GUCY1A2: variants seen among roughly 807,000 people sequenced by gnomAD.
GUCY1A2 encodes guanylate cyclase 1 soluble subunit alpha 2.
A neutral mutation model predicts 63.5 loss-of-function variants in GUCY1A2; 27 were observed. The observed-to-expected ratio is 0.43, with a 90% CI of 0.31 to 0.59. GUCY1A2 has a LOEUF of 0.59. Ranked by LOEUF, GUCY1A2 falls within the 20% of genes least tolerant of loss-of-function variation. GUCY1A2 has a pLI of 0.11. For missense variants in GUCY1A2, 768 were observed against 913.3 expected, an observed-to-expected ratio of 0.84 and a Z score of 2.05; for synonymous variants, 364 against 343.5, an observed-to-expected ratio of 1.06 and a Z score of -0.66.
chr11:106,931,494 C>G (rs1211140155), intron 4 of GUCY1A2, among the ~76,000 whole-genome samples: 1 of 152,168 alleles, frequency 6.6e-6, no homozygotes, highest in East Asian at 1.9e-4. Context: ...AACTGCAAAT[C>G]AGTTCAAGAG....
chr11:106,999,449 T>A (rs1454735233), intron 1 of GUCY1A2, among the ~76,000 whole-genome samples: 1 of 152,180 alleles, frequency 6.6e-6, no homozygotes, highest in Non-Finnish European at 1.5e-5. Context: ...TAAACTTTGT[T>A]ATTTTAGGTT....
At chr11:106,955,331 T>C (rs1860968956) in intron 3 of GUCY1A2, among the ~76,000 whole-genome samples, 1 of 152,246 alleles carries the variant, frequency 6.6e-6, no homozygotes, top group African/African-American at 2.4e-5. Context: ...ATGTGTGAAT[T>C]TGATTCTGTC....
intron 4 of GUCY1A2, among the ~76,000 whole-genome samples, chr11:106,853,550 T>G (rs1859384946): frequency 6.6e-6 from 1 of 152,268 alleles, no homozygotes; most frequent in South Asian, 2.1e-4. Context: ...CCATAAATTA[T>G]TTTTCTTATT....
intron 4 of GUCY1A2, among the ~76,000 whole-genome samples, chr11:106,853,417 C>A (rs1157321965): frequency 6.6e-6 from 1 of 151,662 alleles, no homozygotes; most frequent in African/African-American, 2.4e-5. Flanking sequence ...TTAATTATTT[C>A]TTCTGCTTGA....
intron 4 of GUCY1A2, among the ~76,000 whole-genome samples, chr11:106,845,725 G>A (rs891496192): frequency 1.3e-5 from 2 of 151,524 alleles, no homozygotes; most frequent in African/African-American, 4.8e-5. Flanking sequence ...ATTAGGAGTA[G>A]AATTAGAAAA....
chr11:106,768,194 C>T (rs917132127), intron 6 of GUCY1A2, among the ~76,000 whole-genome samples: 6 of 152,146 alleles, frequency 3.9e-5, no homozygotes, highest in Non-Finnish European at 5.9e-5. Flanking sequence ...TGCTGTCCAG[C>T]ACAGGCTGGT....
At chr11:106,957,775 A>C (rs1861006754) in intron 3 of GUCY1A2, among the ~76,000 whole-genome samples, 1 of 149,976 alleles carries the variant, frequency 6.7e-6, no homozygotes, top group African/African-American at 2.5e-5. Flanking sequence ...TTAAATCACT[A>C]AATTGTGATT....
chr11:106,901,135 T>C (rs1341384493), intron 4 of GUCY1A2, among the ~76,000 whole-genome samples: 1 of 152,222 alleles, frequency 6.6e-6, no homozygotes, highest in East Asian at 1.9e-4. Context: ...TCCTAAATCC[T>C]TTGTTGTCAT....
At chr11:106,815,409 C>A (rs1196392927) in intron 4 of GUCY1A2, among the ~76,000 whole-genome samples, 5 of 151,250 alleles carry the variant, frequency 3.3e-5, no homozygotes, top group Admixed American at 3.3e-4. Context: ...AGACATAAAC[C>A]CACAAATTCA....
At chr11:106,721,562 C>A (rs1863317388) in intron 6 of GUCY1A2, among the ~76,000 whole-genome samples, 1 of 152,100 alleles carries the variant, frequency 6.6e-6, no homozygotes, top group Non-Finnish European at 1.5e-5. Context: ...AATGTTGTTA[C>A]CAACATTTAT....
intron 4 of GUCY1A2, among the ~76,000 whole-genome samples, chr11:106,934,061 A>T (rs543558254): frequency 6.6e-6 from 1 of 152,186 alleles, no homozygotes; most frequent in Non-Finnish European, 1.5e-5. Context: ...TACCCACGTA[A>T]CAAACCCATA....
chr11:106,779,656 GA>G (rs11455773), intron 5 of GUCY1A2, among the ~76,000 whole-genome samples: 3 of 151,526 alleles, frequency 2.0e-5, no homozygotes, highest in South Asian at 2.1e-4. Context: ...TATCTTTTCA[GA>G]AAAAAAAATG....
Position 106,939,835 on chromosome 11 carries a change from G to C in GUCY1A2, c.831C>G (p.Cys277Trp). 3 of 1,613,608 alleles carry C rather than the reference G, an allele frequency of 1.9e-6. No homozygotes were observed. The South Asian group carries it at 3.3e-5, about 18-fold the overall frequency. ...AATTGCCTGGGTTTGAAACATCAGA[G>C]CATAGCTTCTCATTTGCAACCTGTT... is the stretch of plus-strand genomic sequence containing the variant. ...EVEQVANEKLCSDVSNPGNCS... is the reference protein window; with the variant it reads ...EVEQVANEKLWSDVSNPGNCS... Residue 277 changes from cysteine to tryptophan, a missense_variant, in exon 4 of 8, where the codon TGC (cysteine) becomes TGG (tryptophan). Physicochemically the swap from Cys to Trp is radical, Grantham distance 215. Coordinates refer to ENST00000526355, the MANE Select transcript of GUCY1A2 (RefSeq NM_000855.3).
chr11:106,853,568 ATTGC>A (rs1859385190), intron 4 of GUCY1A2, among the ~76,000 whole-genome samples: 1 of 151,916 alleles, frequency 6.6e-6, no homozygotes, highest in Non-Finnish European at 1.5e-5. Flanking sequence ...ATTTCTTTAT[ATTGC>A]TTATCTGTGT....
chr11:106,866,285 A>G (rs966906970), intron 4 of GUCY1A2, among the ~76,000 whole-genome samples: 4 of 152,026 alleles, frequency 2.6e-5, no homozygotes, highest in African/African-American at 7.2e-5. Context: ...CAGGAGGAAG[A>G]AAAGGGGGAG....
intron 4 of GUCY1A2, among the ~76,000 whole-genome samples, chr11:106,900,569 A>T (rs1420071749): frequency 6.6e-6 from 1 of 152,174 alleles, no homozygotes; most frequent in Non-Finnish European, 1.5e-5. Context: ...AATCTGAATA[A>T]GACTCGTGTG....
intron 6 of GUCY1A2, among the ~76,000 whole-genome samples, chr11:106,772,053 G>GA (rs1391425759): frequency 2.0e-5 from 3 of 151,678 alleles, no homozygotes; most frequent in Non-Finnish European, 4.4e-5. Flanking sequence ...TTTATAGGCT[G>GA]AAAAAACAAA....
At chr11:107,011,047 GAAC>G (rs932644999) in intron 1 of GUCY1A2, among the ~76,000 whole-genome samples, 1 of 152,058 alleles carries the variant, frequency 6.6e-6, no homozygotes, top group Non-Finnish European at 1.5e-5. Flanking sequence ...GCATTTTATT[GAAC>G]AACCATACTA....
At chr11:106,960,955 C>G (rs1423569983) in intron 3 of GUCY1A2, among the ~76,000 whole-genome samples, 1 of 151,832 alleles carries the variant, frequency 6.6e-6, no homozygotes, top group African/African-American at 2.4e-5. Flanking sequence ...AAAATCCAAA[C>G]CTTTAAATTT....
Sources: allele counts gnomAD v4.1 joint callset (sites outside exome capture counted in the v4.1 genomes callset), GRCh38; gene constraint gnomAD v4.1.1; transcripts MANE v1.5; gene names NCBI Gene and HGNC (gene_info 2026-07-23, HGNC 2026-07-21).